RNF180: variants seen among roughly 807,000 people sequenced by gnomAD.
RNF180 encodes the protein E3 ubiquitin-protein ligase RNF180.
Under a neutral mutation model 59.2 loss-of-function variants are expected in RNF180, and 38 were observed. That is an observed-to-expected ratio of 0.64 (90% CI 0.50 to 0.84). The LOEUF is 0.84. Ranked by LOEUF, RNF180 falls within the 40% of genes least tolerant of loss-of-function variation. The pLI, the probability that RNF180 is intolerant of heterozygous loss-of-function variation, is 0.00. For synonymous variants in RNF180, 262 were observed against 240.3 expected (o/e 1.09, Z -0.84); for missense variants, 705 against 700.9 (o/e 1.01, Z -0.07).
intron 2 of RNF180, among the ~76,000 whole-genome samples, chr5:64,210,917 A>G (rs994067266): frequency 1.6e-4 from 24 of 152,054 alleles, no homozygotes; most frequent in Non-Finnish European, 1.5e-5. Flanking sequence ...ATGGGAAGAG[A>G]CCCTCAAATC....
intron 1 of RNF180, among the ~76,000 whole-genome samples, chr5:64,193,947 G>C (rs1457229291): frequency 6.6e-6 from 1 of 151,992 alleles, no homozygotes; most frequent in Non-Finnish European, 1.5e-5. Flanking sequence ...GCAAGCATGA[G>C]GTTATATTGA....
intron 1 of RNF180, among the ~76,000 whole-genome samples, chr5:64,168,400 A>G (rs561639554): frequency 2.0e-4 from 30 of 152,310 alleles, no homozygotes; most frequent in East Asian, 1.4e-3. Flanking sequence ...AGAATTTGCA[A>G]CCTTCCCAGA....
chr5:64,292,402 A>G (rs1390568063), intron 5 of RNF180, among the ~76,000 whole-genome samples: 6 of 151,598 alleles, frequency 4.0e-5, no homozygotes, highest in African/African-American at 1.5e-4. Flanking sequence ...TTGCTGGGGG[A>G]TTGCTCAGCA....
chr5:64,268,650 C>G (rs937458152), intron 5 of RNF180, among the ~76,000 whole-genome samples: 2 of 152,046 alleles, frequency 1.3e-5, no homozygotes, highest in Non-Finnish European at 2.9e-5. Context: ...TTTTAAGAAC[C>G]ATCTGATTAA....
At chr5:64,365,042 CT>C (rs1018121418) in intron 7 of RNF180, among the ~76,000 whole-genome samples, 3 of 149,358 alleles carry the variant, frequency 2.0e-5, no homozygotes, top group African/African-American at 7.3e-5. Flanking sequence ...CTTTTGAATG[CT>C]TTTTGTGTCT....
chr5:64,332,276 C>T (rs1446692738), intron 7 of RNF180, among the ~76,000 whole-genome samples: 2 of 152,186 alleles, frequency 1.3e-5, no homozygotes, highest in Non-Finnish European at 2.9e-5. Flanking sequence ...AACAAAGGCA[C>T]CAGTACTCTG....
intron 5 of RNF180, chr5:64,217,936 C>CA (rs1163528423): frequency 3.3e-5 from 5 of 152,020 alleles, no homozygotes; most frequent in African/African-American, 9.7e-5. Context: ...CAGCCTGTCT[C>CA]AAAAAATACA....
intron 2 of RNF180, among the ~76,000 whole-genome samples, chr5:64,210,851 T>C (rs527628443): frequency 6.6e-6 from 1 of 152,244 alleles, no homozygotes; most frequent in Admixed American, 6.5e-5. Context: ...TACACTGAGA[T>C]AGCAGGATTT....
At chr5:64,222,280 T>C (rs1580046640) in intron 5 of RNF180, among the ~76,000 whole-genome samples, 1 of 151,204 alleles carries the variant, frequency 6.6e-6, no homozygotes, top group Non-Finnish European at 1.5e-5. Flanking sequence ...AATTCATACT[T>C]CCAGCTATGT....
At chr5:64,307,930 G>A (rs1296711143) in intron 5 of RNF180, among the ~76,000 whole-genome samples, 1 of 151,768 alleles carries the variant, frequency 6.6e-6, no homozygotes, top group African/African-American at 2.4e-5. Context: ...ATTGCAGGAA[G>A]CAGTATGGCT....
At chr5:64,362,723 C>T (rs1053468255) in intron 7 of RNF180, among the ~76,000 whole-genome samples, 7 of 151,868 alleles carry the variant, frequency 4.6e-5, no homozygotes, top group Admixed American at 4.6e-4. Flanking sequence ...ATAAGCATTT[C>T]TTTTTCTCTG....
intron 5 of RNF180, among the ~76,000 whole-genome samples, chr5:64,305,104 CTACAT>C (rs1419287770): frequency 6.6e-6 from 1 of 151,654 alleles, no homozygotes; most frequent in Non-Finnish European, 1.5e-5. Flanking sequence ...ACTTAATAGA[CTACAT>C]TATAGTGTAA....
intron 2 of RNF180, among the ~76,000 whole-genome samples, chr5:64,208,898 G>GA (rs1283260874): frequency 6.6e-6 from 1 of 151,852 alleles, no homozygotes; most frequent in Non-Finnish European, 1.5e-5. Context: ...GGTACAAAAG[G>GA]AGAATCAGCT....
At position 64,314,793 on chromosome 5, in the gene RNF180, A is replaced by G. The variant is rs141922814; in HGVS notation, c.1228-10393A>G. 3.1e-3 allele frequency among the ~76,000 whole-genome samples: 478 copies of G among 152,274 alleles called. 2 individuals carry two copies. Among genetic ancestry groups the G allele is most frequent in the Non-Finnish European group, 4.6e-3 (314 of 68,010 alleles). The stretch of plus-strand genomic sequence containing the variant: ...TCATATCTGCTTCTGCATGCAGTCT[A>G]TTGCCACTTGTTTTAGTTGAATTAT... On this transcript the variant is annotated intron_variant, in intron 5 of 7. Transcript: ENST00000389100.
intron 5 of RNF180, among the ~76,000 whole-genome samples, chr5:64,317,623 TACACACAC>T (rs3069586): frequency 2.0e-4 from 29 of 144,920 alleles, no homozygotes; most frequent in Non-Finnish European, 3.5e-4. Context: ...CACACATATA[TACACACAC>T]ACACACACAC....
chr5:64,184,412 G>T (rs1225828365), intron 1 of RNF180, among the ~76,000 whole-genome samples: 1 of 151,876 alleles, frequency 6.6e-6, no homozygotes, highest in Non-Finnish European at 1.5e-5. Context: ...TGATGGTTTT[G>T]TCTAGATCCA....
At chr5:64,338,128 T>C (rs1351639124) in intron 7 of RNF180, among the ~76,000 whole-genome samples, 2 of 152,214 alleles carry the variant, frequency 1.3e-5, no homozygotes, top group African/African-American at 4.8e-5. Flanking sequence ...TATGTTGTTA[T>C]CATATTTAAC....
At chr5:64,227,090 G>A (rs1215782560) in intron 5 of RNF180, among the ~76,000 whole-genome samples, 1 of 152,166 alleles carries the variant, frequency 6.6e-6, no homozygotes, top group African/African-American at 2.4e-5. Flanking sequence ...CGTCAACCAC[G>A]GCTCCCTCGC....
chr5:64,183,103 A>G (rs541285070), intron 1 of RNF180, among the ~76,000 whole-genome samples: 8 of 152,202 alleles, frequency 5.3e-5, no homozygotes, highest in Admixed American at 1.3e-4. Flanking sequence ...CAAAACTTCA[A>G]TGCATCTCAC....
Sources: allele counts gnomAD v4.1 joint callset (sites outside exome capture counted in the v4.1 genomes callset), GRCh38; gene constraint gnomAD v4.1.1; transcripts MANE v1.5; gene names NCBI Gene and HGNC (gene_info 2026-07-23, HGNC 2026-07-21).